RNF24: variants seen among roughly 807,000 people sequenced by gnomAD.
RNF24 encodes ring finger protein 24.
A neutral mutation model predicts 20.0 loss-of-function variants in RNF24; 14 were observed. That is an observed-to-expected ratio of 0.70 (90% CI 0.46 to 1.10). The LOEUF (loss-of-function observed/expected upper bound fraction) is 1.10, where lower values mean the gene tolerates loss of function less well. RNF24 is among the 50% of genes least tolerant of loss of function. The probability of loss-of-function intolerance (pLI) is 0.00; values close to 1 mark genes in which losing one functional copy is unlikely to be tolerated. For synonymous variants in RNF24, 45 were observed against 61.1 expected (o/e 0.74, Z 1.23); for missense variants, 124 against 177.6 (o/e 0.70, Z 1.71).
At chr20:3,984,660 G>A (rs1252564189) in intron 1 of RNF24, among the ~76,000 whole-genome samples, 1 of 152,178 alleles carries the variant, frequency 6.6e-6, no homozygotes, top group Middle Eastern at 3.2e-3. Context: ...ATCTTCAAAA[G>A]GCAGACAGCT....
Position 3,930,786 on chromosome 20 carries a change from C to G in RNF24, c.*3277G>C, listed in dbSNP as rs1327328112. ...AAGGACAAGGCCCGAGGCTATTTCTCTGATGGATCCAAGGGGCTTGGCACT... is the reference window on the plus strand; with the variant it reads ...AAGGACAAGGCCCGAGGCTATTTCTGTGATGGATCCAAGGGGCTTGGCACT... On this transcript the variant is annotated 3_prime_UTR_variant, in exon 6 of 6. Transcript: ENST00000358395. The G allele has an allele frequency of 2.0e-5, 3 of 152,304 alleles. No homozygotes were observed. Among genetic ancestry groups the G allele is most frequent in the African/African-American group, 7.2e-5 (3 of 41,450 alleles). 9.4% of individuals were successfully genotyped at this position (152,304 alleles called of 1,614,324 possible).
At chr20:3,983,373 TC>T (rs1979597884) in intron 1 of RNF24, among the ~76,000 whole-genome samples, 1 of 152,188 alleles carries the variant, frequency 6.6e-6, no homozygotes, top group South Asian at 2.1e-4. Context: ...ATAAATGGGG[TC>T]TTTTTTCCTT....
intron 1 of RNF24, among the ~76,000 whole-genome samples, chr20:3,985,267 T>C (rs1280114044): frequency 6.6e-6 from 1 of 152,220 alleles, no homozygotes; most frequent in Non-Finnish European, 1.5e-5. Context: ...ATGTATATAT[T>C]TGTTTGAGAA....
intron 1 of RNF24, among the ~76,000 whole-genome samples, chr20:3,995,579 T>C (rs1328505115): frequency 6.6e-6 from 1 of 152,220 alleles, no homozygotes; most frequent in African/African-American, 2.4e-5. Context: ...CAAATGGTTA[T>C]GAATCAGCAA....
At position 3,927,943 on chromosome 20, in the gene RNF24, T is replaced by TAACA. The variant is rs2090749568; in HGVS notation, c.*6116_*6119dup. 6.6e-6 allele frequency: 1 copy of TAACA among 152,220 alleles called. No homozygotes were observed. Among genetic ancestry groups the TAACA allele is most frequent in the African/African-American group, 2.4e-5 (1 of 41,446 alleles). The allele number at this position is 152,220 out of a possible 1,614,324, so 9.4% of individuals were successfully genotyped here. On this transcript the variant is annotated 3_prime_UTR_variant, in exon 6 of 6. Transcript: ENST00000358395. The stretch of plus-strand genomic sequence containing the variant: ...AAGTGGAGTACATCTTTGCATCTTG[T>TAACA]AACAATTTGGGCTCTACAGCTGAAT...
At position 3,954,898 on chromosome 20, in the gene RNF24, C is replaced by CAA. The variant is rs778645873; in HGVS notation, c.144-6621_144-6620dup. Among the ~76,000 whole-genome samples, 1,114 of 116,382 alleles carry CAA rather than the reference C, an allele frequency of 9.6e-3. 15 individuals are homozygous for CAA. The highest frequency in any genetic ancestry group is 0.034 in the African/African-American group (1,055 of 30,852). 76.4% of individuals were successfully genotyped at this position (116,382 alleles called of 152,430 possible). ...CGGGTGACAGTGCGAGACTCCATCT[C>CAA]AAGAAAAAAAAAAAAGAATTTGTTT... is the stretch of plus-strand genomic sequence containing the variant. On this transcript the variant is annotated intron_variant, in intron 2 of 5. Transcript: ENST00000358395.
intron 2 of RNF24, among the ~76,000 whole-genome samples, chr20:3,949,142 G>A (rs1260199388): frequency 6.6e-6 from 1 of 152,252 alleles, no homozygotes; most frequent in African/African-American, 2.4e-5. Context: ...CACTTTGGGA[G>A]GCCGCGGCAG....
At chr20:3,997,606 T>C (rs75891769) in intron 1 of RNF24, among the ~76,000 whole-genome samples, 1 of 151,948 alleles carries the variant, frequency 6.6e-6, no homozygotes, top group Non-Finnish European at 1.5e-5. Flanking sequence ...ATTTTTTTTT[T>C]CCACAGATGG....
chr20:3,969,516 A>AG (rs2091292368), intron 1 of RNF24, among the ~76,000 whole-genome samples: 1 of 152,050 alleles, frequency 6.6e-6, no homozygotes. Context: ...CAAAAAAAAA[A>AG]AAAAGCCCTA....
chr20:3,954,815 C>T (rs979379028), intron 2 of RNF24, among the ~76,000 whole-genome samples: 9 of 151,556 alleles, frequency 5.9e-5, no homozygotes, highest in Non-Finnish European at 1.3e-4. Flanking sequence ...AGGAGAATTG[C>T]ATGAACCTGG....
intron 1 of RNF24, among the ~76,000 whole-genome samples, chr20:3,987,675 A>C (rs936789566): frequency 3.3e-5 from 5 of 152,222 alleles, no homozygotes; most frequent in African/African-American, 9.7e-5. Flanking sequence ...TTTCCATGAA[A>C]AGAATCCCAT....
At chr20:4,002,753 T>A (rs2068446705) in intron 1 of RNF24, among the ~76,000 whole-genome samples, 1 of 152,114 alleles carries the variant, frequency 6.6e-6, no homozygotes, top group South Asian at 2.1e-4. Flanking sequence ...TCACTGGAAA[T>A]CAACAGTAGA....
At chr20:3,974,953 G>C (rs944045038) in intron 1 of RNF24, among the ~76,000 whole-genome samples, 1 of 151,690 alleles carries the variant, frequency 6.6e-6, no homozygotes, top group African/African-American at 2.4e-5. Context: ...AACAGCTAAA[G>C]CAATTTTGAA....
intron 1 of RNF24, among the ~76,000 whole-genome samples, chr20:3,973,500 C>CAAAAAAAAAAAAAAAAAAA (rs56824542): frequency 2.0e-5 from 2 of 101,106 alleles, no homozygotes; most frequent in African/African-American, 3.9e-5. Flanking sequence ...GGAAGAATGA[C>CAAAAAAAAAAAAAAAAAAA]AAAAAAAAAA....
rs1254310761 is a variant in RNF24, at chr20:3,931,781, G to C, written c.*2282C>G. 2 of 152,264 alleles carry C rather than the reference G, an allele frequency of 1.3e-5. No individual in the cohort carries two copies. The highest frequency in any genetic ancestry group is 4.8e-5 in the African/African-American group (2 of 41,472). 9.4% of individuals were successfully genotyped at this position (152,264 alleles called of 1,614,324 possible). A position where few individuals can be genotyped will look rare whatever the true frequency, so the allele number is the denominator to read the frequency against. ...CATCTGGGCAAAGCAGACCCAAGGT[G>C]GTGCTGAGTGCAGAGTGCAGAGCAT... is the stretch of plus-strand genomic sequence containing the variant. On this transcript the variant is annotated 3_prime_UTR_variant, in exon 6 of 6. Transcript: ENST00000358395.
chr20:3,987,011 G>A (rs1199836527), intron 1 of RNF24, among the ~76,000 whole-genome samples: 1 of 152,152 alleles, frequency 6.6e-6, no homozygotes, highest in African/African-American at 2.4e-5. Context: ...AGGGTCAAGG[G>A]ATCCTCTTAC....
intron 1 of RNF24, among the ~76,000 whole-genome samples, chr20:3,982,103 G>GTCTCTCTCTCTCTCTC (rs34868373): frequency 0.017 from 2,311 of 137,006 alleles, 60 homozygotes; most frequent in African/African-American, 0.038. Context: ...GTGAGACCTC[G>GTCTCTCTCTCTCTCTC]TCTCTCTCTC....
At chr20:4,003,581 T>A (rs1341764463) in intron 1 of RNF24, among the ~76,000 whole-genome samples, 2 of 150,690 alleles carry the variant, frequency 1.3e-5, no homozygotes, top group Non-Finnish European at 3.0e-5. Context: ...AAAATCTACA[T>A]ATTTCTTTCA....
intron 1 of RNF24, among the ~76,000 whole-genome samples, chr20:3,982,005 C>A (rs976070397): frequency 6.0e-5 from 9 of 150,344 alleles, no homozygotes. Flanking sequence ...ATGGTCCCAG[C>A]GACTTAGTAG....
Sources: allele counts gnomAD v4.1 joint callset (sites outside exome capture counted in the v4.1 genomes callset), GRCh38; gene constraint gnomAD v4.1.1; transcripts MANE v1.5; gene names NCBI Gene and HGNC (gene_info 2026-07-23, HGNC 2026-07-21).